TAOK1: variants seen among roughly 807,000 people sequenced by gnomAD.
TAOK1 encodes the protein TAO kinase 1.
A neutral mutation model predicts 138.3 loss-of-function variants in TAOK1; 21 were observed. That is an observed-to-expected ratio of 0.15 (90% CI 0.11 to 0.22). The LOEUF is 0.22. Ranked by LOEUF, TAOK1 falls within the 10% of genes least tolerant of loss-of-function variation. TAOK1 has a pLI of 1.00. For synonymous variants in TAOK1, 361 were observed against 398.4 expected (o/e 0.91, Z 1.12); for missense variants, 651 against 1,227.7 (o/e 0.53, Z 7.02).
chr17:29,508,590 T>C (rs1326239342), intron 14 of TAOK1, among the ~76,000 whole-genome samples: 1 of 152,208 alleles, frequency 6.6e-6, no homozygotes. Flanking sequence ...AGGAGTTTGC[T>C]AAATCTCCTA....
At chr17:29,446,182 C>T (rs2030072884) in intron 1 of TAOK1, among the ~76,000 whole-genome samples, 1 of 152,168 alleles carries the variant, frequency 6.6e-6, no homozygotes, top group Non-Finnish European at 1.5e-5. Flanking sequence ...ACAGGCCTTT[C>T]TGTCTTACTG....
At position 29,492,018 on chromosome 17, in the gene TAOK1, G is replaced by A. The variant is rs1440449434; in HGVS notation, c.831+153G>A. On this transcript the variant is annotated intron_variant, in intron 10 of 19. Coordinates refer to ENST00000261716, the MANE Select transcript of TAOK1 (RefSeq NM_020791.4). ...TCCCACCTCAGCCTCCCAAGTAGCC[G>A]GGACTACAGACACATGCCACTGAAC... 5.3e-5 allele frequency among the ~76,000 whole-genome samples: 8 copies of A among 152,070 alleles called. No individual in the cohort carries two copies. In the East Asian group the frequency reaches 7.7e-4, roughly 15 times the overall value.
intron 15 of TAOK1, among the ~76,000 whole-genome samples, chr17:29,516,989 A>T (rs1396884592): frequency 1.4e-5 from 2 of 140,124 alleles, no homozygotes; most frequent in Non-Finnish European, 3.1e-5. Flanking sequence ...TACCCAGCTA[A>T]TTTTTTTTTT....
intron 3 of TAOK1, among the ~76,000 whole-genome samples, chr17:29,467,588 T>C (rs2030703073): frequency 1.3e-5 from 2 of 151,922 alleles, no homozygotes; most frequent in South Asian, 4.2e-4. Flanking sequence ...TACATTCTTA[T>C]TGGTATGTTA....
At chr17:29,471,276 CTTTTTTT>C (rs759764241) in intron 3 of TAOK1, among the ~76,000 whole-genome samples, 6 of 81,828 alleles carry the variant, frequency 7.3e-5, no homozygotes, top group Admixed American at 4.7e-4. Context: ...TATTTTCTTT[CTTTTTTT>C]TTTTTTTTTT....
At chr17:29,438,681 T>C (rs1906113503) in intron 1 of TAOK1, among the ~76,000 whole-genome samples, 2 of 152,174 alleles carry the variant, frequency 1.3e-5, no homozygotes, top group African/African-American at 4.8e-5. Context: ...GAGGAGACCT[T>C]GTCTCAAAAC....
At chr17:29,436,968 G>A (rs941165691) in intron 1 of TAOK1, among the ~76,000 whole-genome samples, 1 of 152,068 alleles carries the variant, frequency 6.6e-6, no homozygotes, top group Non-Finnish European at 1.5e-5. Flanking sequence ...TAAAACACTT[G>A]ATATTATAAA....
At chr17:29,411,412 GA>G (rs1905141569) in intron 1 of TAOK1, among the ~76,000 whole-genome samples, 1 of 150,212 alleles carries the variant, frequency 6.7e-6, no homozygotes, top group Non-Finnish European at 1.5e-5. Flanking sequence ...GTTTTTTTGA[GA>G]CAGAATCTCA....
chr17:29,472,582 T>C (rs1344156900), intron 3 of TAOK1, among the ~76,000 whole-genome samples: 1 of 148,358 alleles, frequency 6.7e-6, no homozygotes, highest in Non-Finnish European at 1.5e-5. Flanking sequence ...TCTTTTTTTT[T>C]TTTTTTTTGA....
chr17:29,520,055 C>T (rs1007722846), intron 16 of TAOK1, among the ~76,000 whole-genome samples: 1 of 151,722 alleles, frequency 6.6e-6, no homozygotes, highest in African/African-American at 2.4e-5. Flanking sequence ...GTGGTGCATG[C>T]CTGTAATCCC....
chr17:29,518,753 TATC>T (rs1323687255), intron 16 of TAOK1, among the ~76,000 whole-genome samples: 12 of 78,590 alleles, frequency 1.5e-4, no homozygotes, highest in Admixed American at 4.3e-4. Flanking sequence ...ATTTTTACTT[TATC>T]TATTTATTTA....
In TAOK1 at chr17:29,518,756, CTATTTATTTATT is replaced by C. The variant is rs58735347; in HGVS notation, c.1908+1118_1908+1129del. Among the ~76,000 whole-genome samples the C allele has an allele frequency of 1.6e-5, 2 of 125,992 alleles. 1 individual carries two copies. The highest frequency in any genetic ancestry group is 6.0e-5 in the African/African-American group (2 of 33,394). 82.7% of individuals were successfully genotyped at this position (125,992 alleles called of 152,430 possible). A position where few individuals can be genotyped will look rare whatever the true frequency, so the allele number is the denominator to read the frequency against. On this transcript the variant is annotated intron_variant, in intron 16 of 19. Transcript: ENST00000261716. ...TTTTTATTTTTTATTTTTACTTTAT[CTATTTATTTATT>C]TATTTATTTATTTATTTTGAAACAG...
chr17:29,404,136 G>A (rs1299811762), intron 1 of TAOK1: 2 of 151,588 alleles, frequency 1.3e-5, no homozygotes, highest in South Asian at 4.2e-4. Context: ...GTGTGGGGGG[G>A]GATTTTGTTT....
At chr17:29,437,732 TTC>T (rs1205454458) in intron 1 of TAOK1, among the ~76,000 whole-genome samples, 12 of 104,356 alleles carry the variant, frequency 1.1e-4, no homozygotes, top group Admixed American at 8.7e-4. Context: ...CTTTATATTC[TTC>T]TTTTTTTTTT....
chr17:29,520,144 G>A (rs1333779502), intron 16 of TAOK1, among the ~76,000 whole-genome samples: 5 of 146,178 alleles, frequency 3.4e-5, no homozygotes, highest in East Asian at 4.1e-4. Context: ...TCACACCACC[G>A]CACTCCAGCC....
At chr17:29,522,621 C>T in intron 17 of TAOK1, 102 bp downstream of exon 17, 1 of 1,475,592 alleles carries the variant, frequency 6.8e-7, no homozygotes, top group South Asian at 1.4e-5. Context: ...AAGAAATTGA[C>T]TAAGCTTCTT....
intron 1 of TAOK1, among the ~76,000 whole-genome samples, chr17:29,440,445 A>G (rs1256667256): frequency 1.3e-5 from 2 of 152,202 alleles, no homozygotes; most frequent in Non-Finnish European, 2.9e-5. Context: ...TAATGAAAGC[A>G]TGGAAAAGTA....
chr17:29,394,783 A>T (rs769969709), intron 1 of TAOK1, among the ~76,000 whole-genome samples: 1 of 152,172 alleles, frequency 6.6e-6, no homozygotes, highest in Non-Finnish European at 1.5e-5. Flanking sequence ...TCATATGTGA[A>T]CGAATCCCTT....
Position 29,543,188 on chromosome 17 carries a change from T to A in TAOK1, c.*166T>A. ...AGCGTTCTGTTTTGTGTTTACTAAT[T>A]GGGATGTCATAGTACTTGGCTGCCG... On this transcript the variant is annotated 3_prime_UTR_variant, in exon 20 of 20. Transcript: ENST00000261716. 1.6e-6 allele frequency: 1 copy of A among 637,528 alleles called. No homozygotes were observed. The highest frequency in any genetic ancestry group is 2.5e-6 in the Non-Finnish European group (1 of 395,314). 39.5% of individuals were successfully genotyped at this position (637,528 alleles called of 1,614,324 possible).
Sources: allele counts gnomAD v4.1 joint callset (sites outside exome capture counted in the v4.1 genomes callset), GRCh38; gene constraint gnomAD v4.1.1; transcripts MANE v1.5; gene names NCBI Gene and HGNC (gene_info 2026-07-23, HGNC 2026-07-21).